The following TAFA1 variants were observed in gnomAD, a reference collection of about 807,000 sequenced individuals.
TAFA1 encodes TAFA chemokine like family member 1, also known as chemokine-like protein TAFA-1.
A neutral mutation model predicts 18.5 loss-of-function variants in TAFA1; 4 were observed. The observed-to-expected ratio is 0.22, with a 90% CI of 0.11 to 0.49. The LOEUF (loss-of-function observed/expected upper bound fraction) is 0.49, where lower values mean the gene tolerates loss of function less well. TAFA1 is among the 20% of genes least tolerant of loss of function. TAFA1 has a pLI of 0.98. For synonymous variants in TAFA1, 56 were observed against 55.2 expected (o/e 1.01, Z -0.06); for missense variants, 147 against 169.0 (o/e 0.87, Z 0.72).
chr3:68,241,951 A>G (rs187716866), intron 2 of TAFA1, among the ~76,000 whole-genome samples: 14 of 152,312 alleles, frequency 9.2e-5, no homozygotes, highest in African/African-American at 3.1e-4. Context: ...GTGCCACATA[A>G]AAATTTAATT....
intron 3 of TAFA1, among the ~76,000 whole-genome samples, chr3:68,440,970 A>C (rs750406330): frequency 6.6e-6 from 1 of 152,156 alleles, no homozygotes; most frequent in South Asian, 2.1e-4. Flanking sequence ...CTCTGGAACT[A>C]TATCTGACTA....
At chr3:68,224,842 C>T (rs1411489312) in intron 2 of TAFA1, among the ~76,000 whole-genome samples, 1 of 148,724 alleles carries the variant, frequency 6.7e-6, no homozygotes, top group Admixed American at 6.7e-5. Flanking sequence ...GAGGTGTGGG[C>T]CTGTGATTGC....
intron 3 of TAFA1, among the ~76,000 whole-genome samples, chr3:68,508,000 C>A (rs191652468): frequency 6.6e-6 from 1 of 152,234 alleles, no homozygotes; most frequent in African/African-American, 2.4e-5. Context: ...ATAGACTGGG[C>A]AGCTTACACA....
chr3:68,341,589 T>TG lies in TAFA1; in HGVS notation c.119-75685dup, dbSNP rs1559625096. ...CCCAGGAAAGAAGGGTGTTTTTTTC[T>TG]GGGGGGAAAAGGGCTATTACCAATT... is the stretch of plus-strand genomic sequence containing the variant. On this transcript the variant is annotated intron_variant, in intron 2 of 4. Transcript: ENST00000478136. Among the ~76,000 whole-genome samples, 8 of 152,236 alleles carry TG rather than the reference T, an allele frequency of 5.3e-5. No homozygotes were observed. The South Asian group carries it at 1.7e-3, about 32-fold the overall frequency.
intron 2 of TAFA1, among the ~76,000 whole-genome samples, chr3:68,240,469 GTA>G (rs1037310432): frequency 2.6e-5 from 4 of 152,178 alleles, no homozygotes; most frequent in Non-Finnish European, 4.4e-5. Flanking sequence ...AGCAGAAGAT[GTA>G]TGATTTAGAA....
intron 2 of TAFA1, among the ~76,000 whole-genome samples, chr3:68,359,758 T>C (rs2069436026): frequency 6.6e-6 from 1 of 152,038 alleles, no homozygotes; most frequent in Non-Finnish European, 1.5e-5. Context: ...AAAACAGCAA[T>C]AGGAAACTAA....
intron 2 of TAFA1, among the ~76,000 whole-genome samples, chr3:68,072,787 A>C (rs2064773213): frequency 1.3e-5 from 2 of 152,168 alleles, no homozygotes; most frequent in Non-Finnish European, 2.9e-5. Context: ...GCCTACTGGC[A>C]GTTGGACATT....
the TAFA1 span, among the ~76,000 whole-genome samples, chr3:67,997,438 A>G: frequency 6.6e-6 from 1 of 152,198 alleles, no homozygotes; most frequent in Admixed American, 6.5e-5. Context: ...TCCTGCTGTT[A>G]GATTGCCTCT....
chr3:68,025,096 A>G (rs1704786735), intron 2 of TAFA1, among the ~76,000 whole-genome samples: 1 of 152,044 alleles, frequency 6.6e-6, no homozygotes, highest in African/African-American at 2.4e-5. Context: ...CACCTATTCC[A>G]TCCATACCTT....
intron 2 of TAFA1, among the ~76,000 whole-genome samples, chr3:68,121,393 T>C (rs1575628354): frequency 1.3e-5 from 2 of 152,282 alleles, no homozygotes; most frequent in East Asian, 1.9e-4. Flanking sequence ...GATTTCCCTG[T>C]GTTTTTGAAA....
upstream of TAFA1, among the ~76,000 whole-genome samples, chr3:67,999,267 TCCCC>T (rs66913469): frequency 3.5e-5 from 5 of 143,232 alleles, no homozygotes; most frequent in African/African-American, 1.1e-4. Context: ...ATTCTCTCTA[TCCCC>T]CCCCCCCCCC....
chr3:67,999,283 C>CTGTG (rs1408417947), upstream of TAFA1, among the ~76,000 whole-genome samples: 2 of 3,546 alleles, frequency 5.6e-4, no homozygotes, highest in African/African-American at 9.6e-4. Context: ...CCCCCCCCCT[C>CTGTG]TCTCTGTGTG....
chr3:68,167,587 C>CA (rs1208736759), intron 2 of TAFA1, among the ~76,000 whole-genome samples: 21 of 71,454 alleles, frequency 2.9e-4, no homozygotes, highest in Non-Finnish European at 5.2e-4. Flanking sequence ...AAAAAAAAAA[C>CA]AAAAAAAACA....
At chr3:68,075,250 C>G (rs947405523) in intron 2 of TAFA1, among the ~76,000 whole-genome samples, 7 of 152,182 alleles carry the variant, frequency 4.6e-5, no homozygotes, top group African/African-American at 1.7e-4. Context: ...TGCCTTTTGC[C>G]TTTCCATTGA....
intron 3 of TAFA1, among the ~76,000 whole-genome samples, chr3:68,526,317 G>C (rs558736353): frequency 6.6e-6 from 1 of 152,140 alleles, no homozygotes; most frequent in Admixed American, 6.5e-5. Flanking sequence ...TTTCAGTGCT[G>C]GCATCTAAAA....
chr3:68,436,469 A>G (rs9683295), intron 3 of TAFA1, among the ~76,000 whole-genome samples: 34,540 of 151,980 alleles, frequency 0.23, 4,644 homozygotes, highest in East Asian at 0.63. Context: ...TGTTTCAAAG[A>G]CACCAATTAG....
At chr3:68,246,604 A>AAAAAAATAAAAAT (rs1447190446) in intron 2 of TAFA1, among the ~76,000 whole-genome samples, 5 of 91,184 alleles carry the variant, frequency 5.5e-5, no homozygotes, top group African/African-American at 2.2e-4. Context: ...AAAAAAAAAA[A>AAAAAAATAAAAAT]AAAAAAAAAA....
intron 3 of TAFA1, among the ~76,000 whole-genome samples, chr3:68,464,670 G>A (rs1399814659): frequency 6.6e-6 from 1 of 152,124 alleles, no homozygotes; most frequent in Non-Finnish European, 1.5e-5. Flanking sequence ...CACATTTTTG[G>A]TGGGTTTTAA....
intron 2 of TAFA1, among the ~76,000 whole-genome samples, chr3:68,144,635 G>T (rs562570581): frequency 2.6e-5 from 4 of 152,248 alleles, no homozygotes; most frequent in African/African-American, 9.6e-5. Context: ...TTAAAATTAG[G>T]CAAAACTAAG....
Sources: allele counts gnomAD v4.1 joint callset (sites outside exome capture counted in the v4.1 genomes callset), GRCh38; gene constraint gnomAD v4.1.1; transcripts MANE v1.5; gene names NCBI Gene and HGNC (gene_info 2026-07-23, HGNC 2026-07-21).